Variants in MYPN observed in about 807,000 individuals in gnomAD.
MYPN encodes myopalladin.
Under a neutral mutation model 129.4 loss-of-function variants are expected in MYPN, and 63 were observed. That is an observed-to-expected ratio of 0.49 (90% CI 0.40 to 0.60). MYPN has a LOEUF of 0.60. Ranked by LOEUF, MYPN falls within the 20% of genes least tolerant of loss-of-function variation. The probability of loss-of-function intolerance (pLI) is 0.00; values close to 1 mark genes in which losing one functional copy is unlikely to be tolerated. For synonymous variants in MYPN, 629 were observed against 600.9 expected (o/e 1.05, Z -0.68); for missense variants, 1,596 against 1,635.4 (o/e 0.98, Z 0.42).
At chr10:68,148,544 C>T (rs2042709926) in intron 5 of MYPN, 77 bp downstream of exon 5, 2 of 1,190,724 alleles carry the variant, frequency 1.7e-6, no homozygotes, top group African/African-American at 1.5e-5. Context: ...TCTTGCATGG[C>T]ATGATCGTGT....
intron 1 of MYPN, among the ~76,000 whole-genome samples, chr10:68,117,034 A>T (rs895579079): frequency 6.6e-6 from 1 of 151,674 alleles, no homozygotes; most frequent in Non-Finnish European, 1.5e-5. Flanking sequence ...ATCCAGACTG[A>T]TCAACATGGT....
Position 68,121,567 on chromosome 10 carries a change from T to C in MYPN, c.129T>C (p.His43=). ...CGGAGCCCTCCTCCAACCCTTGCCA[T>C]TTCGGCAGTCCTTCTGGGGCCGCTG... is the stretch of plus-strand genomic sequence containing the variant. ...SRAEPSSNPC[H]FGSPSGAAEG... The change falls in exon 2 of 20, where the codon CAT becomes CAC. Residue 43 remains histidine (H), a synonymous_variant. Transcript: ENST00000358913. The C allele has an allele frequency of 6.2e-7, 1 of 1,614,192 alleles. No individual in the cohort carries two copies. Among genetic ancestry groups the C allele is most frequent in the Non-Finnish European group, 8.5e-7 (1 of 1,180,042 alleles).
chr10:68,153,993 G>A (rs970379055), intron 6 of MYPN, among the ~76,000 whole-genome samples: 7 of 151,906 alleles, frequency 4.6e-5, no homozygotes, highest in Non-Finnish European at 7.4e-5. Flanking sequence ...TGGTGACAGC[G>A]AAGTACTTAT....
intron 1 of MYPN, among the ~76,000 whole-genome samples, chr10:68,096,246 C>T (rs1189745486): frequency 1.3e-5 from 2 of 152,164 alleles, no homozygotes; most frequent in African/African-American, 4.8e-5. Context: ...TGCCGTGTAA[C>T]TCTTAAGTCA....
chr10:68,153,858 C>A (rs1012748400), intron 6 of MYPN, among the ~76,000 whole-genome samples: 2 of 151,942 alleles, frequency 1.3e-5, no homozygotes, highest in East Asian at 3.8e-4. Context: ...GCATTCCATT[C>A]CCTGTGACTC....
At chr10:68,089,504 G>A (rs915147690) in intron 1 of MYPN, among the ~76,000 whole-genome samples, 1 of 151,896 alleles carries the variant, frequency 6.6e-6, no homozygotes, top group East Asian at 1.9e-4. Context: ...ACCATGCCCG[G>A]CTAATTTTGT....
At chr10:68,201,343 T>A (rs926240218) in intron 17 of MYPN, among the ~76,000 whole-genome samples, 11 of 152,208 alleles carry the variant, frequency 7.2e-5, no homozygotes, top group Non-Finnish European at 1.2e-4. Flanking sequence ...ATCAAGGCAG[T>A]GATCCTCACT....
chr10:68,163,966 A>G (rs1328121524), intron 8 of MYPN, among the ~76,000 whole-genome samples: 2 of 152,192 alleles, frequency 1.3e-5, no homozygotes, highest in African/African-American at 4.8e-5. Context: ...GGCTTAGACC[A>G]GTCATGATTT....
chr10:68,098,211 A>C (rs1416925224), intron 1 of MYPN, among the ~76,000 whole-genome samples: 2 of 152,104 alleles, frequency 1.3e-5, no homozygotes, highest in Non-Finnish European at 2.9e-5. Flanking sequence ...GCGCCTCTGC[A>C]CTCCAGCCTG....
intron 12 of MYPN, among the ~76,000 whole-genome samples, 172 bp downstream of exon 12, chr10:68,175,633 C>T (rs17458319): frequency 6.0e-5 from 9 of 148,780 alleles, no homozygotes; most frequent in African/African-American, 1.7e-4. Flanking sequence ...TGTGGATCTG[C>T]GGTTCGTAAT....
rs71535735 is a variant in MYPN, at chr10:68,109,608, G to C, written c.-117G>C. On this transcript the variant is annotated 5_prime_UTR_variant, in exon 1 of 20. Coordinates refer to ENST00000358913, the MANE Select transcript of MYPN (RefSeq NM_032578.4). Reference sequence around the variant, plus strand: ...ACGGCTACTCTCTATTTCCAAGGGCGTGAAGAATTTCCCTCTTCTCCTGTG... The same window carrying C: ...ACGGCTACTCTCTATTTCCAAGGGCCTGAAGAATTTCCCTCTTCTCCTGTG... The C allele has an allele frequency of 2.2e-6, 1 of 454,034 alleles. No individual in the cohort carries two copies. The highest frequency in any genetic ancestry group is 2.3e-5 in the Admixed American group (1 of 42,556). 28.1% of individuals were successfully genotyped at this position (454,034 alleles called of 1,614,324 possible).
intron 2 of MYPN, among the ~76,000 whole-genome samples, chr10:68,128,655 T>C (rs143592719): frequency 3.9e-5 from 6 of 152,178 alleles, no homozygotes; most frequent in African/African-American, 1.4e-4. Flanking sequence ...ACAAATTCCA[T>C]AACTGTTTAT....
At position 68,188,785 on chromosome 10, in the gene MYPN, A is replaced by G. The variant is rs184206150; in HGVS notation, c.2704-120A>G. The stretch of plus-strand genomic sequence containing the variant: ...ACTGGATCTGGAACATACCTGGTTC[A>G]TTTGGATTTCATGGTATAAATCTAA... On this transcript the variant is annotated intron_variant, in intron 12 of 19. Coordinates refer to ENST00000358913, the MANE Select transcript of MYPN (RefSeq NM_032578.4). The G allele has an allele frequency of 1.2e-5, 10 of 832,382 alleles. No individual in the cohort carries two copies. The African/African-American group carries it at 1.3e-4, about 11-fold the overall frequency. 51.6% of individuals were successfully genotyped at this position (832,382 alleles called of 1,614,324 possible).
rs2042602499 is a variant in MYPN at position 68,143,075 on chromosome 10, C to A, written c.1038C>A (p.Ile346=). 6.2e-7 allele frequency: 1 copy of A among 1,614,116 alleles called. No homozygotes were observed. The highest frequency in any genetic ancestry group is 2.2e-5 in the East Asian group (1 of 44,866). The change falls in exon 3 of 20, where the codon ATC becomes ATA. Residue 346 remains isoleucine (I), a synonymous_variant. Coordinates refer to ENST00000358913, the MANE Select transcript of MYPN (RefSeq NM_032578.4). ...TGRYSCFASN[I]YGTDSTSAEI... is the part of the protein sequence containing the mutation. ...GCTATTCCTGCTTTGCTTCTAACAT[C>A]TATGGGACAGATTCGACTTCTGCTG...
At chr10:68,173,475 G>A (rs2043172956) in intron 10 of MYPN, among the ~76,000 whole-genome samples, 1 of 152,218 alleles carries the variant, frequency 6.6e-6, no homozygotes, top group African/African-American at 2.4e-5. Flanking sequence ...AATACAGTGT[G>A]AAGGACGCCC....
rs1464528098 is a variant in MYPN at position 68,174,509 on chromosome 10, A to C, written c.2417A>C (p.Gln806Pro). The C allele has an allele frequency of 6.2e-7, 1 of 1,613,936 alleles. No homozygotes were observed. Among genetic ancestry groups the C allele is most frequent in the East Asian group, 2.2e-5 (1 of 44,886 alleles). Residue 806 changes from glutamine to proline, a missense_variant, in exon 11 of 20, where the codon CAG (glutamine) becomes CCG (proline). Coordinates refer to ENST00000358913, the MANE Select transcript of MYPN (RefSeq NM_032578.4). ...ACATTTTCCATCCCCAGCGGAAACC[A>C]GTTTCAGCCCCGCTGTGTGTCCCCA... ...PFTFSIPSGN[Q>P]FQPRCVSPIP...
Position 68,136,642 on chromosome 10 carries a change from A to T in MYPN, c.903-6298A>T, listed in dbSNP as rs982143714. 37 of 1,534,510 alleles carry T rather than the reference A, an allele frequency of 2.4e-5. No individual in the cohort carries two copies. In the African/African-American group the frequency reaches 4.6e-4, roughly 19 times the overall value. On this transcript the variant is annotated intron_variant, in intron 2 of 19. Transcript: ENST00000358913. Reference sequence around the variant, plus strand: ...TGGCCATCTGAGTAAGGACAAAAACACTTCTGACAGAGAGTTTGGGCATTT... The same window carrying T: ...TGGCCATCTGAGTAAGGACAAAAACTCTTCTGACAGAGAGTTTGGGCATTT...
chr10:68,171,682 A>T (rs2043146811), intron 10 of MYPN, among the ~76,000 whole-genome samples: 1 of 152,254 alleles, frequency 6.6e-6, no homozygotes. Context: ...CAAATGTGCA[A>T]CCAGCACAGT....
chr10:68,159,850 A>T (rs2042943903), intron 7 of MYPN, among the ~76,000 whole-genome samples: 1 of 151,860 alleles, frequency 6.6e-6, no homozygotes, highest in African/African-American at 2.4e-5. Context: ...TATTTTTTAC[A>T]TTGATTGATA....
Sources: allele counts gnomAD v4.1 joint callset (sites outside exome capture counted in the v4.1 genomes callset), GRCh38; gene constraint gnomAD v4.1.1; transcripts MANE v1.5; gene names NCBI Gene and HGNC (gene_info 2026-07-23, HGNC 2026-07-21).